Variants in ASPG observed in about 807,000 individuals in gnomAD.
The protein encoded by ASPG is 60 kDa lysophospholipase.
ASPG carries 53 observed loss-of-function variants against 63.2 expected under a neutral mutation model. The observed-to-expected ratio is 0.84, with a 90% confidence interval of 0.67 to 1.05. The LOEUF is 1.05. Ranked by LOEUF, ASPG falls within the 50% of genes least tolerant of loss-of-function variation. The pLI is 0.00. For missense variants in ASPG, 741 were observed against 794.4 expected (o/e 0.93, Z 0.81); for synonymous variants, 370 against 355.0 (o/e 1.04, Z -0.48).
chr14:104,110,757 C>A lies in ASPG; in HGVS notation c.1521-745C>A, dbSNP rs1282333156. 32 of 985,246 alleles carry A rather than the reference C, an allele frequency of 3.2e-5. No individual in the cohort carries two copies. The highest frequency in any genetic ancestry group is 3.7e-5 in the Non-Finnish European group (31 of 829,860). 61.0% of individuals were successfully genotyped at this position (985,246 alleles called of 1,614,324 possible). A position where few individuals can be genotyped will look rare whatever the true frequency, so the allele number is the denominator to read the frequency against. ...TTCCTCACCAGGCCACTTCCCCCAG[C>A]CCCTGCACACCATGGGTGGGTGGAG... On this transcript the variant is annotated intron_variant, in intron 13 of 15. Coordinates refer to ENST00000551177, the MANE Select transcript of ASPG (RefSeq NM_001080464.3). This position sits in a 1 kb window ranked among gnomAD's most constrained non-coding sequence, Gnocchi z 4.7.
intron 6 of ASPG, among the ~76,000 whole-genome samples, chr14:104,100,441 G>A (rs1000927592): frequency 3.9e-5 from 6 of 152,304 alleles, no homozygotes; most frequent in Admixed American, 2.6e-4. Context: ...ACAGGACAGA[G>A]GAAACTGCCT....
intron 6 of ASPG, among the ~76,000 whole-genome samples, chr14:104,103,175 C>G (rs943395402): frequency 3.3e-5 from 5 of 152,260 alleles, no homozygotes; most frequent in Non-Finnish European, 7.3e-5. Flanking sequence ...CCTCTGCGCT[C>G]GCCTGACGCC....
At position 104,091,156 on chromosome 14, in the gene ASPG, C is replaced by T. The variant is rs2036353427; in HGVS notation, c.83-1477C>T. The stretch of plus-strand genomic sequence containing the variant: ...CTGGGATTCCAGGCCTGAGGCACTG[C>T]GCCCGGCCCTGGGATGCGGACATCT... On this transcript the variant is annotated intron_variant, in intron 1 of 15. Transcript: ENST00000551177. The surrounding 1 kb of genome is among the most constrained non-coding windows in gnomAD (Gnocchi z 6.4). Among the ~76,000 whole-genome samples, 1 of 151,604 alleles carries T rather than the reference C, an allele frequency of 6.6e-6. No homozygotes were observed.
rs142851495 is a variant in ASPG, at chr14:104,112,810, T to G, written c.*266T>G. On this transcript the variant is annotated 3_prime_UTR_variant, in exon 16 of 16. Transcript: ENST00000551177. The stretch of plus-strand genomic sequence containing the variant: ...AGGCTCTGTGGGGTCTCTGCGGGGG[T>G]CACTTGGCCCATCCTTCCGGGGGCA... The G allele has an allele frequency of 1.1e-3, 732 of 643,098 alleles. 4 individuals carry two copies. In the African/African-American group the frequency reaches 0.012, roughly 11 times the overall value. 39.8% of individuals were successfully genotyped at this position (643,098 alleles called of 1,614,324 possible).
intron 6 of ASPG, 149 bp downstream of exon 6, chr14:104,099,128 G>A: frequency 7.6e-7 from 1 of 1,320,870 alleles, no homozygotes; most frequent in South Asian, 1.4e-5. Flanking sequence ...GCCCTGGGCT[G>A]TGGAGAAGCC....
chr14:104,092,206 A>T (rs796575226), intron 1 of ASPG, among the ~76,000 whole-genome samples: 9 of 152,226 alleles, frequency 5.9e-5, no homozygotes, highest in Admixed American at 2.0e-4. Context: ...TGAGGCACCT[A>T]CTGGGTGAGA....
At chr14:104,087,888 CAA>C (rs777260662) in intron 1 of ASPG, among the ~76,000 whole-genome samples, 3 of 152,338 alleles carry the variant, frequency 2.0e-5, no homozygotes, top group South Asian at 4.1e-4. Flanking sequence ...GGGTGGGAAA[CAA>C]GAGACTTGGA....
At position 104,113,874 on chromosome 14, in the gene ASPG, G is replaced by C. The variant is rs2037432239; in HGVS notation, c.*1330G>C. Reference sequence around the variant, plus strand: ...GCCCATGAGGGGCTGCAGGTGGAGGGAGGGTGGCACCGGGCCCCAGAGCCA... The same window carrying C: ...GCCCATGAGGGGCTGCAGGTGGAGGCAGGGTGGCACCGGGCCCCAGAGCCA... On this transcript the variant is annotated 3_prime_UTR_variant, in exon 16 of 16. Transcript: ENST00000551177. 2 of 152,386 alleles carry C rather than the reference G, an allele frequency of 1.3e-5. No individual in the cohort carries two copies. Among genetic ancestry groups the C allele is most frequent in the Non-Finnish European group, 2.9e-5 (2 of 68,156 alleles). The allele number at this position is 152,386 out of a possible 1,614,324, so 9.4% of individuals were successfully genotyped here.
Position 104,109,323 on chromosome 14 carries a change from C to T in ASPG, c.1520+8C>T, listed in dbSNP as rs762354863. 1.9e-6 allele frequency: 3 copies of T among 1,600,976 alleles called. No individual in the cohort carries two copies. The East Asian group carries it at 6.7e-5, about 36-fold the overall frequency. On this transcript the variant is annotated splice_region_variant and intron_variant, in intron 13 of 15. Transcript: ENST00000551177. This position sits in a 1 kb window ranked among gnomAD's most constrained non-coding sequence, Gnocchi z 4.8. Reference sequence around the variant, plus strand: ...AGGGACGGAGCTGTGCAGGTGAGTGCAGCTAGAGCACCTGCTCTTCCAGGG... The same window carrying T: ...AGGGACGGAGCTGTGCAGGTGAGTGTAGCTAGAGCACCTGCTCTTCCAGGG...
In ASPG at chr14:104,106,868, G is replaced by C. The variant is rs373995703; in HGVS notation, c.1243G>C (p.Glu415Gln). Residue 415 changes from glutamate to glutamine, a missense_variant, in exon 11 of 16, where the codon GAG becomes CAG. Physicochemically the swap from Glu to Gln is conservative, Grantham distance 29. Transcript: ENST00000551177. Reference sequence around the variant, plus strand: ...TGCTGCTGCCCACGCCGGTGACGTGGAGGCGCTGCAGGCGCTTGTGGAGCT... The same window carrying C: ...TGCTGCTGCCCACGCCGGTGACGTGCAGGCGCTGCAGGCGCTTGTGGAGCT... ...ACAAAHAGDV[E>Q]ALQALVELGS... is the part of the protein sequence containing the mutation. 389 of 1,592,176 alleles carry C rather than the reference G, an allele frequency of 2.4e-4. 3 individuals are homozygous for C. The highest frequency in any genetic ancestry group is 1.3e-4 in the Non-Finnish European group (153 of 1,171,724).
chr14:104,088,743 A>T (rs928073745), intron 1 of ASPG, among the ~76,000 whole-genome samples: 13 of 152,110 alleles, frequency 8.5e-5, no homozygotes, highest in African/African-American at 2.7e-4. Context: ...ACACGTTCAC[A>T]AGTTTCTAAG....
intron 6 of ASPG, among the ~76,000 whole-genome samples, chr14:104,100,657 G>A (rs2036836237): frequency 1.3e-5 from 2 of 152,172 alleles, no homozygotes; most frequent in African/African-American, 4.8e-5. Context: ...GAACACATCA[G>A]TGTGTCTACT....
intron 1 of ASPG, among the ~76,000 whole-genome samples, chr14:104,092,206 A>G (rs796575226): frequency 6.6e-6 from 1 of 152,108 alleles, no homozygotes; most frequent in Non-Finnish European, 1.5e-5. Flanking sequence ...TGAGGCACCT[A>G]CTGGGTGAGA....
intron 1 of ASPG, among the ~76,000 whole-genome samples, chr14:104,089,149 T>C (rs574812256): frequency 6.6e-6 from 1 of 151,558 alleles, no homozygotes; most frequent in Admixed American, 6.6e-5. Context: ...GCCTCCCGAG[T>C]AGCTGGGACT....
chr14:104,107,794 C>T (rs368899259), intron 12 of ASPG, among the ~76,000 whole-genome samples: 20 of 152,344 alleles, frequency 1.3e-4, no homozygotes, highest in African/African-American at 2.4e-4. Flanking sequence ...GCAGCAGAGA[C>T]GGAGTGTGTG....
At chr14:104,099,467 C>T (rs559715654) in intron 6 of ASPG, among the ~76,000 whole-genome samples, 1 of 152,326 alleles carries the variant, frequency 6.6e-6, no homozygotes, top group Non-Finnish European at 1.5e-5. Context: ...GCCCCCTGGC[C>T]CTGGCTGTAG....
At chr14:104,105,033 T>C in intron 9 of ASPG, 1 of 578,968 alleles carries the variant, frequency 1.7e-6, no homozygotes, top group Non-Finnish European at 3.0e-6. Context: ...TGCTCTCCAC[T>C]CTTCCTCGAG....
chr14:104,104,778 A>G lies in ASPG; in HGVS notation c.1050+43A>G, dbSNP rs769998779. On this transcript the variant is annotated intron_variant, in intron 9 of 15. Transcript: ENST00000551177. ...CTGTGGGCAACCCTCGGTGTGCACA[A>G]GCATGTCAGTTGGCTCCCAGGGGCA... 4.0e-6 allele frequency: 6 copies of G among 1,504,946 alleles called. No homozygotes were observed. The East Asian group carries it at 1.4e-4, about 35-fold the overall frequency. 93.2% of individuals were successfully genotyped at this position (1,504,946 alleles called of 1,614,324 possible). A position where few individuals can be genotyped will look rare whatever the true frequency, so the allele number is the denominator to read the frequency against.
intron 9 of ASPG, 62 bp downstream of exon 9, chr14:104,104,797 AG>A: frequency 7.1e-7 from 1 of 1,402,434 alleles, no homozygotes; most frequent in Non-Finnish European, 9.8e-7. Flanking sequence ...GTTGGCTCCC[AG>A]GGGCATGTCT....
Sources: gnomAD v4.1 joint callset for allele counts (sites outside exome capture counted in the v4.1 genomes callset) on GRCh38, gnomAD v4.1.1 for gene constraint, Gnocchi (gnomAD v3.1) non-coding constraint, MANE v1.5 for transcripts, NCBI Gene and HGNC (gene_info 2026-07-23, HGNC 2026-07-21) for gene names.